FAM107B: variants seen among roughly 807,000 people sequenced by gnomAD.
FAM107B encodes the protein protein FAM107B.
FAM107B carries 21 observed loss-of-function variants against 31.5 expected under a neutral mutation model. That is an observed-to-expected ratio of 0.67 (90% CI 0.47 to 0.96). FAM107B has a LOEUF of 0.96. FAM107B is among the 40% of genes least tolerant of loss of function. The pLI is 0.00. For synonymous variants in FAM107B, 157 were observed against 141.5 expected (o/e 1.11, Z -0.78); for missense variants, 452 against 377.1 (o/e 1.20, Z -1.64).
chr10:14,646,101 T>A (rs188835208), intron 2 of FAM107B, among the ~76,000 whole-genome samples: 1 of 152,356 alleles, frequency 6.6e-6, no homozygotes, highest in Admixed American at 6.5e-5. Flanking sequence ...AGATTGTCCG[T>A]AATGCATGGC....
intron 2 of FAM107B, among the ~76,000 whole-genome samples, chr10:14,582,375 CTTTTTTTTTTTTTTT>C (rs71388188): frequency 8.9e-6 from 1 of 112,086 alleles, no homozygotes; most frequent in Admixed American, 1.1e-4. Context: ...TTTTTCTTTT[CTTTTTTTTTTTTTTT>C]TTTTGAGACA....
chr10:14,535,597 G>C (rs1399645985), intron 2 of FAM107B, among the ~76,000 whole-genome samples: 1 of 151,800 alleles, frequency 6.6e-6, no homozygotes, highest in Non-Finnish European at 1.5e-5. Flanking sequence ...AGTCTAAAAA[G>C]GTCTGTCTAT....
chr10:14,669,128 G>A (rs1302618481), intron 1 of FAM107B, among the ~76,000 whole-genome samples: 1 of 152,110 alleles, frequency 6.6e-6, no homozygotes, highest in African/African-American at 2.4e-5. Flanking sequence ...AGCACTTTGG[G>A]AGGCCGAGGC....
In FAM107B at chr10:14,774,620, G is replaced by A. The variant is rs1249179121; in HGVS notation, c.44C>T (p.Pro15Leu). The A allele has an allele frequency of 1.2e-6, 2 of 1,614,102 alleles. No homozygotes were observed. Among genetic ancestry groups the A allele is most frequent in the Admixed American group, 3.3e-5 (2 of 60,016 alleles). Reference protein sequence around the residue: ...KARLTKRLKSPSRSMHPFPCS... With the variant: ...KARLTKRLKSLSRSMHPFPCS... ...CGGAAATGGATGCATGCTTCTAGAG[G>A]GAGACTTCAGTCTTTTGGTGAGTCT... The change falls in exon 1 of 5, where the codon CCC (proline) becomes CTC (leucine). Residue 15 changes from proline to leucine, a missense_variant. Transcript: ENST00000181796.
At chr10:14,770,477 C>T (rs1383908179) in intron 1 of FAM107B, among the ~76,000 whole-genome samples, 1 of 151,820 alleles carries the variant, frequency 6.6e-6, no homozygotes, top group Non-Finnish European at 1.5e-5. Flanking sequence ...GAGCCGAGAT[C>T]GCACCACTAC....
chr10:14,721,406 T>C (rs1227713759), intron 1 of FAM107B, among the ~76,000 whole-genome samples: 3 of 152,244 alleles, frequency 2.0e-5, no homozygotes, highest in Non-Finnish European at 2.9e-5. Context: ...TTCTAGATCC[T>C]TGAGGAATAG....
intron 1 of FAM107B, among the ~76,000 whole-genome samples, chr10:14,679,033 T>C (rs1854762800): frequency 6.6e-6 from 1 of 152,222 alleles, no homozygotes; most frequent in Non-Finnish European, 1.5e-5. Flanking sequence ...GGAAAGGATG[T>C]GGGCCTTGGA....
At chr10:14,611,766 A>G (rs1481072770) in intron 2 of FAM107B, among the ~76,000 whole-genome samples, 1 of 151,770 alleles carries the variant, frequency 6.6e-6, no homozygotes, top group Admixed American at 6.6e-5. Context: ...GGCAGGGCTC[A>G]TAGTTCATCT....
intron 2 of FAM107B, among the ~76,000 whole-genome samples, chr10:14,662,408 G>C (rs569357806): frequency 7.1e-5 from 10 of 140,402 alleles, no homozygotes; most frequent in African/African-American, 2.7e-4. Flanking sequence ...ACAGGGTCTC[G>C]CTCTCTCACC....
intron 2 of FAM107B, among the ~76,000 whole-genome samples, chr10:14,637,764 G>A (rs1002253726): frequency 6.6e-6 from 1 of 152,158 alleles, no homozygotes; most frequent in African/African-American, 2.4e-5. Flanking sequence ...ACATGTTGGG[G>A]TGGTGTATAT....
chr10:14,541,920 C>T (rs1848242134), intron 2 of FAM107B, among the ~76,000 whole-genome samples: 1 of 152,112 alleles, frequency 6.6e-6, no homozygotes, highest in Admixed American at 6.5e-5. Flanking sequence ...ATTGCCTTCC[C>T]CAGCCCTGGG....
At chr10:14,564,368 C>A (rs921137452) in intron 2 of FAM107B, among the ~76,000 whole-genome samples, 1 of 151,780 alleles carries the variant, frequency 6.6e-6, no homozygotes, top group African/African-American at 2.4e-5. Context: ...ATAATTAGGC[C>A]CCCAAATACT....
chr10:14,598,046 C>T (rs1012995766), intron 2 of FAM107B, among the ~76,000 whole-genome samples: 7 of 152,168 alleles, frequency 4.6e-5, no homozygotes, highest in African/African-American at 1.7e-4. Flanking sequence ...TGTTGATTTG[C>T]GGAAATCCCT....
intron 2 of FAM107B, among the ~76,000 whole-genome samples, chr10:14,662,193 T>C (rs191128189): frequency 1.1e-4 from 17 of 152,292 alleles, no homozygotes; most frequent in African/African-American, 3.6e-4. Context: ...CACCTTGCAA[T>C]AAAGAACCTC....
intron 3 of FAM107B, among the ~76,000 whole-genome samples, chr10:14,527,689 G>C (rs1411395600): frequency 1.3e-5 from 2 of 152,206 alleles, no homozygotes; most frequent in African/African-American, 4.8e-5. Flanking sequence ...CAAAATGTAG[G>C]AAGACTTGTT....
At chr10:14,569,881 C>A (rs967835752) in intron 2 of FAM107B, among the ~76,000 whole-genome samples, 4 of 152,240 alleles carry the variant, frequency 2.6e-5, no homozygotes, top group African/African-American at 9.6e-5. Context: ...CCTTGGCCAG[C>A]CTCAGCCAAC....
intron 1 of FAM107B, among the ~76,000 whole-genome samples, chr10:14,725,511 G>T (rs1253513714): frequency 6.6e-6 from 1 of 152,126 alleles, no homozygotes; most frequent in Non-Finnish European, 1.5e-5. Flanking sequence ...CCAAGATTAA[G>T]GCTCTGGCAG....
chr10:14,547,887 A>T (rs9888005), intron 2 of FAM107B, among the ~76,000 whole-genome samples: 72,816 of 152,106 alleles, frequency 0.48, 17,638 homozygotes, highest in South Asian at 0.63. Context: ...GCGTGAGGAC[A>T]GGGACACATC....
At chr10:14,660,889 C>T (rs1378162458) in intron 2 of FAM107B, among the ~76,000 whole-genome samples, 1 of 152,146 alleles carries the variant, frequency 6.6e-6, no homozygotes, top group Non-Finnish European at 1.5e-5. Flanking sequence ...GGATTTGTGT[C>T]CTTCCCCAAA....
Sources: allele counts gnomAD v4.1 joint callset (sites outside exome capture counted in the v4.1 genomes callset), GRCh38; gene constraint gnomAD v4.1.1; transcripts MANE v1.5; gene names NCBI Gene and HGNC (gene_info 2026-07-23, HGNC 2026-07-21).